Variants in SPDYE12 observed in about 807,000 individuals in gnomAD.
The protein encoded by SPDYE12 is speedy protein E12.
At chr7:74,912,844 A>AG in the SPDYE12 span, among the ~76,000 whole-genome samples, 1 of 103,390 alleles carries the variant, frequency 9.7e-6, no homozygotes, top group African/African-American at 3.9e-5. Flanking sequence ...CCCAGACTGG[A>AG]GTGCAGTAGC....
chr7:74,907,484 C>T, the SPDYE12 span, among the ~76,000 whole-genome samples: 2 of 151,260 alleles, frequency 1.3e-5, no homozygotes, highest in East Asian at 3.9e-4. Flanking sequence ...GTAATCCCAG[C>T]GCTTTGGAAG....
the SPDYE12 span, among the ~76,000 whole-genome samples, chr7:74,908,848 ATT>A: frequency 7.2e-6 from 1 of 139,788 alleles, no homozygotes; most frequent in Non-Finnish European, 1.6e-5. Flanking sequence ...TAATTTTTGT[ATT>A]TTTTTTTTTT....
the SPDYE12 span, among the ~76,000 whole-genome samples, chr7:74,909,053 C>CCT: frequency 8.6e-5 from 4 of 46,268 alleles, no homozygotes; most frequent in African/African-American, 2.8e-4. Context: ...TTTTTTTTGG[C>CCT]TTTTTTTTTT....
At chr7:74,907,732 G>GATAA in the SPDYE12 span, among the ~76,000 whole-genome samples, 20,794 of 130,976 alleles carry the variant, frequency 0.16, 1,463 homozygotes, top group African/African-American at 0.22. Flanking sequence ...CTCTTGTCTT[G>GATAA]ATAAATAAAT....
At chr7:74,907,584 C>T in the SPDYE12 span, among the ~76,000 whole-genome samples, 1 of 150,390 alleles carries the variant, frequency 6.6e-6, no homozygotes, top group Non-Finnish European at 1.5e-5. Flanking sequence ...ATACAAAAAT[C>T]AGCCTGGTGC....
the SPDYE12 span, among the ~76,000 whole-genome samples, chr7:74,909,174 C>T: frequency 2.7e-5 from 4 of 150,192 alleles, no homozygotes; most frequent in Admixed American, 2.7e-4. Context: ...TTGCCTCAGC[C>T]TCCCAAGTAG....
At chr7:74,909,108 CA>C in the SPDYE12 span, among the ~76,000 whole-genome samples, 1 of 126,126 alleles carries the variant, frequency 7.9e-6, no homozygotes, top group Non-Finnish European at 1.6e-5. Flanking sequence ...GGCTGGAGTG[CA>C]GTGGCTCAAC....
chr7:74,909,677 G>C, the SPDYE12 span: 1 of 1,565,942 alleles, frequency 6.4e-7, no homozygotes, highest in African/African-American at 1.4e-5. Context: ...GGAGATAGTG[G>C]AATGGGGGTC....
chr7:74,904,836 AAAT>A, the SPDYE12 span, among the ~76,000 whole-genome samples: 2 of 149,240 alleles, frequency 1.3e-5, no homozygotes, highest in Non-Finnish European at 3.0e-5. Flanking sequence ...TCAATAAATA[AAAT>A]AATATTTAAA....
At chr7:74,907,019 G>A in the SPDYE12 span, 6 of 1,587,080 alleles carry the variant, frequency 3.8e-6, no homozygotes, top group East Asian at 4.6e-5. Context: ...ATATGAGAGC[G>A]GGTCTCCTCG....
At chr7:74,909,154 A>C in the SPDYE12 span, among the ~76,000 whole-genome samples, 17 of 147,348 alleles carry the variant, frequency 1.2e-4, no homozygotes, top group African/African-American at 4.3e-4. Context: ...CCTGGGTTCA[A>C]GGGGTTCTCT....
the SPDYE12 span, among the ~76,000 whole-genome samples, chr7:74,910,472 C>A: frequency 6.8e-6 from 1 of 147,910 alleles, no homozygotes; most frequent in Non-Finnish European, 1.5e-5. Flanking sequence ...GGTGGATCAC[C>A]TGAGGTCAGG....
At chr7:74,909,637 A>C in the SPDYE12 span, 1 of 1,470,290 alleles carries the variant, frequency 6.8e-7, no homozygotes, top group Admixed American at 1.7e-5. Flanking sequence ...ACAGAGAGGG[A>C]GAGGTCACAT....
At chr7:74,910,660 G>A in the SPDYE12 span, among the ~76,000 whole-genome samples, 12 of 151,284 alleles carry the variant, frequency 7.9e-5, no homozygotes, top group African/African-American at 2.9e-4. Context: ...CTGCCCTTCA[G>A]CCTGGGCAAC....
At chr7:74,904,934 T>A in the SPDYE12 span, among the ~76,000 whole-genome samples, 2 of 147,744 alleles carry the variant, frequency 1.4e-5, no homozygotes, top group East Asian at 3.9e-4. Flanking sequence ...CTGAGACATG[T>A]TAAAAATCAC....
chr7:74,914,923 C>CAA, the SPDYE12 span, among the ~76,000 whole-genome samples: 1 of 77,528 alleles, frequency 1.3e-5, no homozygotes, highest in African/African-American at 3.7e-5. Context: ...AACTACATCT[C>CAA]AAAAAAAAAA....
the SPDYE12 span, among the ~76,000 whole-genome samples, chr7:74,908,658 GTTCTTTTT>G: frequency 1.5e-5 from 1 of 65,994 alleles, no homozygotes; most frequent in African/African-American, 5.5e-5. Context: ...TTTGTTTTTT[GTTCTTTTT>G]TTTTTTTTTT....
chr7:74,909,471 G>A, the SPDYE12 span: 24 of 1,211,776 alleles, frequency 2.0e-5, no homozygotes, highest in African/African-American at 8.9e-5. Context: ...CACTTCCCCC[G>A]CTGTCCCAGG....
the SPDYE12 span, among the ~76,000 whole-genome samples, chr7:74,908,767 A>C: frequency 8.4e-6 from 1 of 119,478 alleles, no homozygotes; most frequent in South Asian, 2.8e-4. Context: ...TCCGCCTCCC[A>C]GGTTCACGCC....
Sources: gnomAD v4.1 joint callset for allele counts (sites outside exome capture counted in the v4.1 genomes callset) on GRCh38, gnomAD v4.1.1 for gene constraint, MANE v1.5 for transcripts, NCBI Gene and HGNC (gene_info 2026-07-23, HGNC 2026-07-21) for gene names.